COL5A1: variants seen among roughly 807,000 people sequenced by gnomAD.
The protein encoded by COL5A1 is collagen alpha-1(V) chain.
In COL5A1, 16 loss-of-function variants were observed where a neutral mutation model predicts 263.7. The ratio of observed to expected loss-of-function variants is 0.06; its 90% CI spans 0.04 to 0.09. The LOEUF (loss-of-function observed/expected upper bound fraction) is 0.09, where lower values mean the gene tolerates loss of function less well. Among genes scored for constraint, COL5A1 ranks in the 10% least tolerant of loss-of-function variants. The probability of loss-of-function intolerance (pLI) is 1.00; values close to 1 mark genes in which losing one functional copy is unlikely to be tolerated. For missense variants in COL5A1, 2,036 were observed against 2,540.5 expected, an observed-to-expected ratio of 0.80 and a Z score of 4.27; for synonymous variants, 1,012 against 1,004.5, an observed-to-expected ratio of 1.01 and a Z score of -0.14.
intron 11 of COL5A1, 88 bp downstream of exon 11, chr9:134,738,896 C>T: frequency 9.1e-7 from 1 of 1,099,308 alleles, no homozygotes. Context: ...GCTGTCCCTG[C>T]CTGTGGAGGT....
At chr9:134,829,859 CCGG>C (rs1839524704) in intron 63 of COL5A1, 114 bp from the exon 64 acceptor site, 4 of 1,170,734 alleles carry the variant, frequency 3.4e-6, no homozygotes, top group Non-Finnish European at 5.0e-6. Flanking sequence ...TGCAGCCCCC[CCGG>C]CGTGAGGATG....
At chr9:134,644,760 G>A (rs1351749533) in intron 1 of COL5A1, among the ~76,000 whole-genome samples, 1 of 152,212 alleles carries the variant, frequency 6.6e-6, no homozygotes, top group Non-Finnish European at 1.5e-5. Context: ...AACGGGGAAG[G>A]AGAGTATGGG....
chr9:134,778,105 G>A (rs377730248), intron 27 of COL5A1, among the ~76,000 whole-genome samples: 1 of 152,242 alleles, frequency 6.6e-6, no homozygotes, highest in East Asian at 1.9e-4. Flanking sequence ...ATGCCACGCC[G>A]TGGTGAGACG....
intron 25 of COL5A1, among the ~76,000 whole-genome samples, chr9:134,772,056 C>CGGCTG (rs1317941597): frequency 6.6e-6 from 1 of 152,174 alleles, no homozygotes; most frequent in East Asian, 1.9e-4. Flanking sequence ...CCTAGAGCCT[C>CGGCTG]GGCTGGGTAC....
At chr9:134,702,794 C>G (rs1285126699) in intron 4 of COL5A1, among the ~76,000 whole-genome samples, 1 of 152,194 alleles carries the variant, frequency 6.6e-6, no homozygotes, top group Non-Finnish European at 1.5e-5. Context: ...TGGATTTGGG[C>G]CTCGGGCAAG....
In COL5A1 at chr9:134,699,922, C is replaced by T. The variant is rs762823751; in HGVS notation, c.291C>T (p.Pro97=). 9.9e-6 allele frequency: 16 copies of T among 1,613,850 alleles called. No individual in the cohort carries two copies. The highest frequency in any genetic ancestry group is 1.6e-4 in the Middle Eastern group (1 of 6,084). The change falls in exon 3 of 66, where the codon CCC becomes CCT. Residue 97 remains proline (P), a synonymous_variant. Transcript: ENST00000371817. ...TKQLYPASAF[P]EDFSILTTVK... ...GCTCTGTTCCAGCGTCTGCATTTCC[C>T]GAGGACTTCTCCATCCTAACAACTG...
At chr9:134,753,753 G>T in intron 14 of COL5A1, 97 bp from the exon 15 acceptor site, 1 of 716,738 alleles carries the variant, frequency 1.4e-6, no homozygotes, top group Non-Finnish European at 2.5e-6. Flanking sequence ...CCGAAGCCCT[G>T]TCCCCTCCCC....
Position 134,682,457 on chromosome 9 carries a change from G to A in COL5A1, c.110-8455G>A, listed in dbSNP as rs1371487401. Among the ~76,000 whole-genome samples, 1 of 152,180 alleles carries A rather than the reference G, an allele frequency of 6.6e-6. No individual in the cohort carries two copies. The highest frequency in any genetic ancestry group is 6.5e-5 in the Admixed American group (1 of 15,288). ...CCCCAGAGACCCTGACCCCAGGACC[G>A]ACGGAGCCAGCCCAGTGCCAGGGAC... On this transcript the variant is annotated intron_variant, in intron 1 of 65. Transcript: ENST00000371817. The surrounding 1 kb of genome is among the most constrained non-coding windows in gnomAD (Gnocchi z 5.1).
chr9:134,684,337 G>A (rs1333718292), intron 1 of COL5A1, among the ~76,000 whole-genome samples: 1 of 152,218 alleles, frequency 6.6e-6, no homozygotes, highest in African/African-American at 2.4e-5. Flanking sequence ...GGTCTCGGGG[G>A]GAAACAGAGC....
Position 134,747,097 on chromosome 9 carries a change from G to A in COL5A1, c.1495-3445G>A, listed in dbSNP as rs143360813. Among the ~76,000 whole-genome samples the A allele has an allele frequency of 3.8e-4, 58 of 152,334 alleles. No individual in the cohort carries two copies. In the East Asian group the frequency reaches 0.011, roughly 28 times the overall value. Reference sequence around the variant, plus strand: ...CATGTTGGTGGCCCTGAGGACTTGTGTCAAATTTGAACACTTCGGAAGGGT... The same window carrying A: ...CATGTTGGTGGCCCTGAGGACTTGTATCAAATTTGAACACTTCGGAAGGGT... On this transcript the variant is annotated intron_variant, in intron 11 of 65. Transcript: ENST00000371817.
chr9:134,703,711 C>T lies in COL5A1; in HGVS notation c.654+2378C>T, dbSNP rs1833749131. Among the ~76,000 whole-genome samples, 3 of 140,804 alleles carry T rather than the reference C, an allele frequency of 2.1e-5. No individual in the cohort carries two copies. The Admixed American group carries it at 2.3e-4, about 11-fold the overall frequency. The allele number at this position is 140,804 out of a possible 152,430, so 92.4% of individuals were successfully genotyped here. A position where few individuals can be genotyped will look rare whatever the true frequency, so the allele number is the denominator to read the frequency against. On this transcript the variant is annotated intron_variant, in intron 4 of 65. Coordinates refer to ENST00000371817, the MANE Select transcript of COL5A1 (RefSeq NM_000093.5). Reference sequence around the variant, plus strand: ...GGAGTGCAGTGGCACGATCTCGGCTCACTGCAAGCTCTGCCTCCCGGGTTC... The same window carrying T: ...GGAGTGCAGTGGCACGATCTCGGCTTACTGCAAGCTCTGCCTCCCGGGTTC...
chr9:134,753,769 C>T, intron 14 of COL5A1, 81 bp from the exon 15 acceptor site: 1 of 745,896 alleles, frequency 1.3e-6, no homozygotes, highest in South Asian at 1.4e-5. Context: ...TCCCCCTGCC[C>T]CTCCCCTGCC....
chr9:134,714,499 G>A (rs1473977906), intron 4 of COL5A1, among the ~76,000 whole-genome samples: 1 of 131,292 alleles, frequency 7.6e-6, no homozygotes, highest in Non-Finnish European at 1.6e-5. Flanking sequence ...GAAGGTGGTG[G>A]TGGAGGTTAA....
At chr9:134,729,500 C>T (rs1034795597) in intron 6 of COL5A1, among the ~76,000 whole-genome samples, 2 of 148,038 alleles carry the variant, frequency 1.4e-5, no homozygotes, top group Non-Finnish European at 3.0e-5. Flanking sequence ...GTGCTTGAGC[C>T]TGCGTGTGTG....
Position 134,700,839 on chromosome 9 carries a change from C to T in COL5A1, c.492-332C>T, listed in dbSNP as rs962995927. On this transcript the variant is annotated intron_variant, in intron 3 of 65. Transcript: ENST00000371817. The surrounding 1 kb of genome is among the most constrained non-coding windows in gnomAD (Gnocchi z 4.0). ...GGCTGTGACCGCACCGCAGGGACCA[C>T]GCTCCCAGGGACCACACTCCTGGGT... 2.0e-5 allele frequency among the ~76,000 whole-genome samples: 3 copies of T among 152,262 alleles called. No homozygotes were observed. The highest frequency in any genetic ancestry group is 1.9e-4 in the East Asian group (1 of 5,168).
At chr9:134,785,483 CG>C in intron 30 of COL5A1, among the ~76,000 whole-genome samples, 1 of 152,292 alleles carries the variant, frequency 6.6e-6, no homozygotes, top group South Asian at 2.1e-4. Flanking sequence ...GAAGGAAGGC[CG>C]GGGTCCTTGG....
At position 134,812,414 on chromosome 9, in the gene COL5A1, G is replaced by T. The variant is rs778964348; in HGVS notation, c.3691-35G>T. The T allele has an allele frequency of 1.9e-6, 3 of 1,610,654 alleles. No homozygotes were observed. The African/African-American group carries it at 4.0e-5, about 22-fold the overall frequency. On this transcript the variant is annotated intron_variant, in intron 46 of 65. Coordinates refer to ENST00000371817, the MANE Select transcript of COL5A1 (RefSeq NM_000093.5). ...GTGTGTGTTTGACATACACATGACA[G>T]AACAGCGCTTAACTGGGAAGTTTCC...
rs150735646 is a variant in COL5A1, at chr9:134,830,598, G to T, written c.5136+554G>T. 1.0e-3 allele frequency among the ~76,000 whole-genome samples: 155 copies of T among 152,302 alleles called. 2 individuals carry two copies. Among genetic ancestry groups the T allele is most frequent in the African/African-American group, 3.7e-3 (152 of 41,558 alleles). Reference sequence around the variant, plus strand: ...CCATTCAGAGCTCCTTCTAGGACCTGCACCACGGATCCCCTCTCCCCAGCT... The same window carrying T: ...CCATTCAGAGCTCCTTCTAGGACCTTCACCACGGATCCCCTCTCCCCAGCT... On this transcript the variant is annotated intron_variant, in intron 64 of 65. Coordinates refer to ENST00000371817, the MANE Select transcript of COL5A1 (RefSeq NM_000093.5).
rs745918663 is a variant in COL5A1 at position 134,814,027 on chromosome 9, C to T, written c.3897C>T (p.Gly1299=). Residue 1299 remains glycine (G), a synonymous_variant, in exon 49 of 66, where the codon GGC becomes GGT. Coordinates refer to ENST00000371817, the MANE Select transcript of COL5A1 (RefSeq NM_000093.5). ...EAGEPGLPGE[G]GPPGPKGERG... Reference sequence around the variant, plus strand: ...GTGAGCCTGGCCTTCCGGGAGAAGGCGGCCCCCCGGTGAGTGAGCGGGCGC... The same window carrying T: ...GTGAGCCTGGCCTTCCGGGAGAAGGTGGCCCCCCGGTGAGTGAGCGGGCGC... 3.7e-5 allele frequency: 57 copies of T among 1,550,600 alleles called. No homozygotes were observed. Among genetic ancestry groups the T allele is most frequent in the Non-Finnish European group, 4.2e-5 (48 of 1,146,996 alleles).
Sources: allele counts gnomAD v4.1 joint callset (sites outside exome capture counted in the v4.1 genomes callset), GRCh38; gene constraint gnomAD v4.1.1; non-coding constraint Gnocchi (gnomAD v3.1); transcripts MANE v1.5; gene names NCBI Gene and HGNC (gene_info 2026-07-23, HGNC 2026-07-21).